Variants in GAS2L1 observed in about 807,000 individuals in gnomAD.
GAS2L1 encodes the protein growth arrest specific 2 like 1, also known as GAS2-like protein 1.
Under a neutral mutation model 44.0 loss-of-function variants are expected in GAS2L1, and 26 were observed. The observed-to-expected ratio is 0.59, with a 90% CI of 0.43 to 0.82. GAS2L1 has a LOEUF of 0.82. Among genes scored for constraint, GAS2L1 ranks in the 40% least tolerant of loss-of-function variants. The probability of loss-of-function intolerance (pLI) is 0.00; values close to 1 mark genes in which losing one functional copy is unlikely to be tolerated. For synonymous variants in GAS2L1, 426 were observed against 415.9 expected (o/e 1.02, Z -0.30); for missense variants, 1,006 against 983.0 (o/e 1.02, Z -0.31).
chr22:29,309,970 G>A (rs2061385395), intron 1 of GAS2L1, among the ~76,000 whole-genome samples: 1 of 152,162 alleles, frequency 6.6e-6, no homozygotes, highest in Admixed American at 6.5e-5. Context: ...GCCGGTGAAA[G>A]GTCATGTGTG....
At chr22:29,309,141 G>A (rs945304090) in intron 1 of GAS2L1, among the ~76,000 whole-genome samples, 3 of 152,226 alleles carry the variant, frequency 2.0e-5, no homozygotes, top group Admixed American at 2.0e-4. Flanking sequence ...TCGAGGTTGA[G>A]CGGGTGCTGT....
exon 5 of GAS2L1, chr22:29,312,380 A>G: frequency 6.3e-7 from 1 of 1,597,036 alleles, no homozygotes; most frequent in Non-Finnish European, 8.6e-7. Flanking sequence ...CAGACCGTAA[A>G]CCCTCACGTA....
exon 5 of GAS2L1, chr22:29,312,215 T>C: frequency 6.2e-7 from 1 of 1,613,006 alleles, no homozygotes; most frequent in Non-Finnish European, 8.5e-7. Flanking sequence ...GGACGGCCAA[T>C]GGGCTGCCTG....
At chr22:29,308,823 TG>T in intron 1 of GAS2L1, 85 bp downstream of exon 2, 1 of 1,103,342 alleles carries the variant, frequency 9.1e-7, no homozygotes, top group Non-Finnish European at 1.2e-6. Flanking sequence ...GGGTCCACCC[TG>T]CTATCTGCAG....
rs762883697 is a variant in GAS2L1 at position 29,308,092 on chromosome 22, C to T, written c.-14C>T. 3.9e-6 allele frequency: 6 copies of T among 1,533,670 alleles called. No homozygotes were observed. The Admixed American group carries it at 7.6e-5, about 20-fold the overall frequency. ...AACTGTGTTCCTGCCCACAGTGACTCGGCCGGTCCGGGCATGGCAGACCCA... is the reference window on the plus strand; with the variant it reads ...AACTGTGTTCCTGCCCACAGTGACTTGGCCGGTCCGGGCATGGCAGACCCA... On this transcript the variant is annotated 5_prime_UTR_variant, in exon 1 of 5. Transcript: ENST00000618518.
At chr22:29,312,462 G>C (rs1029869664) in exon 5 of GAS2L1, 2 of 1,517,768 alleles carry the variant, frequency 1.3e-6, no homozygotes, top group African/African-American at 1.4e-5. Context: ...CCTGCACTCA[G>C]TCACCCCGAG....
intron 2 of GAS2L1, 32 bp from the exon 4 acceptor site, chr22:29,310,605 CG>C: frequency 6.3e-7 from 1 of 1,591,844 alleles, no homozygotes; most frequent in South Asian, 1.1e-5. Context: ...GCGGGGCGCC[CG>C]GGGCACAGCC....
At chr22:29,311,976 C>G (rs1184140105) in exon 5 of GAS2L1, 3 of 1,609,776 alleles carry the variant, frequency 1.9e-6, no homozygotes, top group Admixed American at 1.7e-5. Flanking sequence ...ACCCCTGCAG[C>G]TCGACCCGCA....
chr22:29,310,765 G>A (rs376426006), intron 3 of GAS2L1, 31 bp downstream of exon 4: 19 of 1,604,718 alleles, frequency 1.2e-5, no homozygotes, highest in Non-Finnish European at 1.4e-5. Flanking sequence ...GGGGCTGGAC[G>A]GGCAGGGGAC....
In GAS2L1 at chr22:29,312,066, AC is replaced by A; in HGVS notation, c.1620del (p.Thr541LeufsTer75). On this transcript the variant is annotated frameshift_variant, in exon 5 of 5. Transcript: ENST00000618518. LOFTEE classifies it high-confidence loss of function. ...GGCCCTTGAGGCTGTTGCTAGCGTG[AC>A]CCCCACTGGACCAGCCCCTGACCCA... 6.2e-7 allele frequency: 1 copy of A among 1,612,258 alleles called. No homozygotes were observed. The highest frequency in any genetic ancestry group is 8.5e-7 in the Non-Finnish European group (1 of 1,179,734).
chr22:29,306,660 C>T (rs889082901), upstream of GAS2L1: 2 of 152,466 alleles, frequency 1.3e-5, no homozygotes, highest in Admixed American at 6.5e-5. Context: ...GCTATCGCTT[C>T]CTGCCTTCAT....
At chr22:29,308,768 C>A (rs1019814796) in intron 1 of GAS2L1, 30 bp downstream of exon 2, 1 of 1,463,990 alleles carries the variant, frequency 6.8e-7, no homozygotes, top group Admixed American at 2.5e-5. Context: ...GTGCCAGGGA[C>A]CCGACAGCAC....
chr22:29,307,892 G>C (rs578063482), exon 1 of GAS2L1: 4 of 415,000 alleles, frequency 9.6e-6, no homozygotes, highest in Non-Finnish European at 1.7e-5. Flanking sequence ...ATCCCATAGA[G>C]TCCTATGAGG....
exon 5 of GAS2L1, chr22:29,311,557 C>T: frequency 6.5e-7 from 1 of 1,542,464 alleles, no homozygotes. Context: ...CCCCTTGGTA[C>T]CCGCAGTGAT....
exon 1 of GAS2L1, chr22:29,308,638 C>G: frequency 1.3e-6 from 2 of 1,578,274 alleles, no homozygotes; most frequent in Non-Finnish European, 1.7e-6. Context: ...CCCAACGCCC[C>G]TGCCGCTGGG....
chr22:29,308,880 G>T, intron 1 of GAS2L1, 142 bp downstream of exon 2: 1 of 646,110 alleles, frequency 1.5e-6, no homozygotes, highest in Non-Finnish European at 2.4e-6. Flanking sequence ...GCACCAAACC[G>T]AGGAATGTAT....
exon 1 of GAS2L1, chr22:29,308,043 T>A (rs2061365435): frequency 1.4e-6 from 2 of 1,412,730 alleles, no homozygotes; most frequent in South Asian, 2.9e-5. Context: ...ACTGAGCGCT[T>A]ACTGGGTCCC....
exon 1 of GAS2L1, chr22:29,308,567 C>T: frequency 6.3e-7 from 1 of 1,598,732 alleles, no homozygotes; most frequent in South Asian, 1.1e-5. Flanking sequence ...GCCTGCTGGC[C>T]CCACGCCTCG....
exon 5 of GAS2L1, chr22:29,312,636 A>G (rs752693613): frequency 1.1e-4 from 59 of 529,958 alleles, no homozygotes; most frequent in Non-Finnish European, 1.8e-4. Context: ...ACATGGCACA[A>G]TGGGACCTCT....
Sources: allele counts gnomAD v4.1 joint callset (sites outside exome capture counted in the v4.1 genomes callset), GRCh38; gene constraint gnomAD v4.1.1; transcripts MANE v1.5; gene names NCBI Gene and HGNC (gene_info 2026-07-23, HGNC 2026-07-21).